The following TP53I11 variants were observed in gnomAD, a reference collection of about 807,000 sequenced individuals.
The protein encoded by TP53I11 is tumor protein p53-inducible protein 11.
Under a neutral mutation model 23.3 loss-of-function variants are expected in TP53I11, and 9 were observed. The observed-to-expected ratio is 0.39, with a 90% CI of 0.23 to 0.67. The LOEUF (loss-of-function observed/expected upper bound fraction) is 0.67. Among genes scored for constraint, TP53I11 ranks in the 30% least tolerant of loss-of-function variants. The probability of loss-of-function intolerance (pLI) is 0.48; values close to 1 mark genes in which losing one functional copy is unlikely to be tolerated. For missense variants in TP53I11, 170 were observed against 255.2 expected (o/e 0.67, Z 2.27); for synonymous variants, 100 against 106.1 (o/e 0.94, Z 0.35).
chr11:44,949,386 G>A (rs1456023581), intron 1 of TP53I11, among the ~76,000 whole-genome samples: 1 of 152,086 alleles, frequency 6.6e-6, no homozygotes, highest in Non-Finnish European at 1.5e-5. Context: ...GGCCCGCCCC[G>A]TCAAGAAGTT....
chr11:44,945,855 C>T (rs1021316759), intron 1 of TP53I11, among the ~76,000 whole-genome samples: 3 of 152,152 alleles, frequency 2.0e-5, no homozygotes, highest in South Asian at 2.1e-4. Context: ...CCAGAGCTTG[C>T]GTCATCCGCT....
Position 44,934,382 on chromosome 11 carries a change from T to G in TP53I11, c.*502A>C. The stretch of plus-strand genomic sequence containing the variant: ...GGGTGTGCATGTGGAGAGGGCCAGA[T>G]TGAGGAGGAGGGGTACAGGGTTTTC... On this transcript the variant is annotated 3_prime_UTR_variant, in exon 7 of 7. Transcript: ENST00000525680. 5.8e-6 allele frequency: 1 copy of G among 173,826 alleles called. No individual in the cohort carries two copies. Among genetic ancestry groups the G allele is most frequent in the Non-Finnish European group, 1.3e-5 (1 of 79,440 alleles). 10.8% of individuals were successfully genotyped at this position (173,826 alleles called of 1,614,324 possible).
At chr11:44,935,688 T>TGGGGGGGGGGTTTTAAATGGGGGGG in intron 5 of TP53I11, 26 bp from the exon 6 acceptor site, 2 of 424,480 alleles carry the variant, frequency 4.7e-6, no homozygotes, top group African/African-American at 2.6e-5. Context: ...AAAAGGGGGC[T>TGGGGGGGGGGTTTTAAATGGGGGGG]GGGGGTGGGA....
chr11:44,935,041 C>T (rs755630118), intron 6 of TP53I11, 24 bp from the exon 7 acceptor site: 1 of 1,612,422 alleles, frequency 6.2e-7, no homozygotes, highest in South Asian at 1.1e-5. Flanking sequence ...TCCAGCAAGG[C>T]CACAGGGTCA....
chr11:44,948,424 G>A (rs1364736178), intron 1 of TP53I11, among the ~76,000 whole-genome samples: 1 of 152,046 alleles, frequency 6.6e-6, no homozygotes, highest in African/African-American at 2.4e-5. Context: ...TCTCCCTCAA[G>A]GCTGTAGCTC....
intron 5 of TP53I11, chr11:44,935,931 C>T (rs1041953072): frequency 3.7e-5 from 20 of 544,616 alleles, no homozygotes; most frequent in Non-Finnish European, 5.3e-5. Context: ...CATTGAGACT[C>T]GATCTCTTTA....
At chr11:44,948,925 G>A (rs1329354066) in intron 1 of TP53I11, among the ~76,000 whole-genome samples, 2 of 152,240 alleles carry the variant, frequency 1.3e-5, no homozygotes, top group East Asian at 1.9e-4. Context: ...CAGAAAATAG[G>A]TCGCAGTCCT....
At chr11:44,942,638 A>G (rs1395899881) in intron 1 of TP53I11, among the ~76,000 whole-genome samples, 2 of 152,202 alleles carry the variant, frequency 1.3e-5, no homozygotes, top group African/African-American at 4.8e-5. Flanking sequence ...GGGCACTGCC[A>G]TCAGACATCT....
At chr11:44,935,792 C>A (rs985866780) in intron 5 of TP53I11, 130 bp from the exon 6 acceptor site, 13 of 648,944 alleles carry the variant, frequency 2.0e-5, no homozygotes, top group Non-Finnish European at 3.5e-5. Context: ...CACGCCTCCG[C>A]CCCTATTCAC....
chr11:44,949,133 A>C (rs2135522529), intron 1 of TP53I11, among the ~76,000 whole-genome samples: 1 of 152,340 alleles, frequency 6.6e-6, no homozygotes, highest in East Asian at 1.9e-4. Context: ...GGACAACAGA[A>C]GCCTGGAGAA....
chr11:44,941,087 C>G (rs529661017), intron 1 of TP53I11: 3 of 152,258 alleles, frequency 2.0e-5, no homozygotes, highest in African/African-American at 7.2e-5. Context: ...CCTAGGGAGC[C>G]CGGGGCAAAA....
chr11:44,936,643 A>G lies in TP53I11; in HGVS notation c.334+160T>C, dbSNP rs1161974172. On this transcript the variant is annotated intron_variant, in intron 5 of 6. Transcript: ENST00000525680. The surrounding 1 kb of genome is among the most constrained non-coding windows in gnomAD (Gnocchi z 4.4). The stretch of plus-strand genomic sequence containing the variant: ...ACCAATGGCCACAAGATGGCAGCAC[A>G]TCCCCAGCAGAGAGCTTCATCAGAG... 7.4e-7 allele frequency: 1 copy of G among 1,345,944 alleles called. No individual in the cohort carries two copies. The highest frequency in any genetic ancestry group is 3.6e-5 in the Admixed American group (1 of 28,060). 83.4% of individuals were successfully genotyped at this position (1,345,944 alleles called of 1,614,324 possible).
At chr11:44,942,527 C>G (rs570451485) in intron 1 of TP53I11, among the ~76,000 whole-genome samples, 1 of 152,172 alleles carries the variant, frequency 6.6e-6, no homozygotes, top group African/African-American at 2.4e-5. Flanking sequence ...TGCAAATCAA[C>G]GGCTGTGGGA....
At chr11:44,944,394 G>A (rs1329546761) in intron 1 of TP53I11, among the ~76,000 whole-genome samples, 1 of 152,170 alleles carries the variant, frequency 6.6e-6, no homozygotes, top group African/African-American at 2.4e-5. Flanking sequence ...GAGGAGCTAA[G>A]AGGCCCTCTT....
At position 44,934,972 on chromosome 11, in the gene TP53I11, A is replaced by C. The variant is rs538261561; in HGVS notation, c.482T>G (p.Ile161Ser). 1 of 1,613,966 alleles carries C rather than the reference A, an allele frequency of 6.2e-7. No homozygotes were observed. The highest frequency in any genetic ancestry group is 1.1e-5 in the South Asian group (1 of 91,092). ...GAGGCGGCTGACCAGGAGCAGCAGGATCCCCAGGGACATGAGGCCCGTCTC... is the reference window on the plus strand; with the variant it reads ...GAGGCGGCTGACCAGGAGCAGCAGGCTCCCCAGGGACATGAGGCCCGTCTC... The part of the protein sequence containing the change: ...LAETGLMSLG[I>S]LLLLVSRLLF... Residue 161 changes from isoleucine to serine, a missense_variant, in exon 7 of 7, where the codon ATC becomes AGC. Physicochemically the swap from Ile to Ser is moderately radical, Grantham distance 142. Transcript: ENST00000525680.
intron 5 of TP53I11, 38 bp from the exon 6 acceptor site, chr11:44,935,700 AG>A: frequency 7.3e-7 from 1 of 1,363,474 alleles, no homozygotes; most frequent in South Asian, 1.2e-5. Flanking sequence ...GGGGTGGGAC[AG>A]CTGACTCCCT....
intron 4 of TP53I11, 131 bp downstream of exon 4, chr11:44,937,173 G>C: frequency 1.7e-6 from 2 of 1,187,342 alleles, no homozygotes; most frequent in Non-Finnish European, 1.2e-6. Flanking sequence ...GGTTCTCGGA[G>C]GCAGCCCCAG....
chr11:44,936,760 G>C lies in TP53I11; in HGVS notation c.334+43C>G. 8 of 1,476,674 alleles carry C rather than the reference G, an allele frequency of 5.4e-6. No homozygotes were observed. Among genetic ancestry groups the C allele is most frequent in the Non-Finnish European group, 6.3e-6 (7 of 1,113,298 alleles). 91.5% of individuals were successfully genotyped at this position (1,476,674 alleles called of 1,614,324 possible). ...CTCCTCAGCCCCGCTGGGTCTCCCA[G>C]CTGCCCGTCGCCTCCCCCAGGGCCC... is the stretch of plus-strand genomic sequence containing the variant. On this transcript the variant is annotated intron_variant, in intron 5 of 6. Transcript: ENST00000525680. This position sits in a 1 kb window ranked among gnomAD's most constrained non-coding sequence, Gnocchi z 4.4.
intron 2 of TP53I11, 55 bp from the exon 3 acceptor site, chr11:44,937,668 C>A (rs560664060): frequency 1.9e-6 from 3 of 1,570,370 alleles, no homozygotes; most frequent in South Asian, 1.1e-5. Flanking sequence ...TCAGCGCCCC[C>A]ACTCGCTCAT....
Sources: allele counts gnomAD v4.1 joint callset (sites outside exome capture counted in the v4.1 genomes callset), GRCh38; gene constraint gnomAD v4.1.1; non-coding constraint Gnocchi (gnomAD v3.1); transcripts MANE v1.5; gene names NCBI Gene and HGNC (gene_info 2026-07-23, HGNC 2026-07-21).